TASP1: variants seen among roughly 807,000 people sequenced by gnomAD.
TASP1 encodes taspase 1, also known as threonine aspartase 1.
A neutral mutation model predicts 56.6 loss-of-function variants in TASP1; 16 were observed. The ratio of observed to expected loss-of-function variants is 0.28; its 90% CI spans 0.19 to 0.43. TASP1 has a LOEUF of 0.43. Ranked by LOEUF, TASP1 falls within the 20% of genes least tolerant of loss-of-function variation. The probability of loss-of-function intolerance (pLI) is 1.00; values close to 1 mark genes in which losing one functional copy is unlikely to be tolerated. For synonymous variants in TASP1, 179 were observed against 184.2 expected, an observed-to-expected ratio of 0.97 and a Z score of 0.23; for missense variants, 393 against 511.6, an observed-to-expected ratio of 0.77 and a Z score of 2.24.
chr20:13,249,865 G>C, the TASP1 span, among the ~76,000 whole-genome samples: 1 of 151,914 alleles, frequency 6.6e-6, no homozygotes, highest in Non-Finnish European at 1.5e-5. Flanking sequence ...CAACTTTAAA[G>C]CAGACTCCTT....
At chr20:13,607,623 G>A (rs933187150) in intron 4 of TASP1, among the ~76,000 whole-genome samples, 1 of 152,094 alleles carries the variant, frequency 6.6e-6, no homozygotes, top group Non-Finnish European at 1.5e-5. Context: ...ACATTAACAG[G>A]AAATTACTAA....
At chr20:13,525,911 T>C (rs1206672825) in intron 10 of TASP1, among the ~76,000 whole-genome samples, 2 of 152,192 alleles carry the variant, frequency 1.3e-5, no homozygotes, top group African/African-American at 4.8e-5. Context: ...GTTGGGTATC[T>C]AAGTTAAAAA....
At chr20:13,533,990 A>G (rs769631214) in intron 9 of TASP1, 32 bp downstream of exon 9, 6 of 1,582,120 alleles carry the variant, frequency 3.8e-6, no homozygotes, top group Non-Finnish European at 5.2e-6. Flanking sequence ...TTTACTTTGA[A>G]AGGCTAGTTT....
chr20:13,234,205 G>A, the TASP1 span, among the ~76,000 whole-genome samples: 1 of 152,184 alleles, frequency 6.6e-6, no homozygotes, highest in South Asian at 2.1e-4. Context: ...TTATAAGGGA[G>A]AACGTGGTAT....
At chr20:13,156,118 A>T in the TASP1 span, among the ~76,000 whole-genome samples, 12 of 152,320 alleles carry the variant, frequency 7.9e-5, no homozygotes, top group South Asian at 2.5e-3. Flanking sequence ...TGGGGAAATG[A>T]TGTGTGTTGG....
At chr20:13,174,106 A>G in the TASP1 span, among the ~76,000 whole-genome samples, 1 of 152,140 alleles carries the variant, frequency 6.6e-6, no homozygotes, top group Non-Finnish European at 1.5e-5. Context: ...CCAGCCTTCA[A>G]TGTGTATATA....
downstream of TASP1, among the ~76,000 whole-genome samples, chr20:13,389,208 A>C (rs987027017): frequency 6.6e-6 from 1 of 152,206 alleles, no homozygotes; most frequent in African/African-American, 2.4e-5. Context: ...ATCAAATTGC[A>C]AGAGAAATTT....
intron 13 of TASP1, chr20:13,393,273 G>A: frequency 1.3e-6 from 1 of 746,588 alleles, no homozygotes; most frequent in Non-Finnish European, 2.5e-6. Flanking sequence ...TGAGGGCTGT[G>A]TGGCTCTCCA....
chr20:13,239,688 G>A, the TASP1 span: 1 of 152,220 alleles, frequency 6.6e-6, no homozygotes, highest in African/African-American at 2.4e-5. Flanking sequence ...GAGGCACTCT[G>A]TTTAGAAGGC....
intron 10 of TASP1, among the ~76,000 whole-genome samples, chr20:13,498,669 C>G (rs961374728): frequency 6.7e-6 from 1 of 149,686 alleles, no homozygotes; most frequent in South Asian, 2.1e-4. Context: ...CAAAAGAAGA[C>G]ATACAAATGG....
At chr20:13,417,156 T>A (rs905430736) in intron 13 of TASP1, among the ~76,000 whole-genome samples, 1 of 152,180 alleles carries the variant, frequency 6.6e-6, no homozygotes, top group African/African-American at 2.4e-5. Context: ...AACCCCAGTT[T>A]CCTCTTCTCT....
chr20:13,371,495 C>T, the TASP1 span, among the ~76,000 whole-genome samples: 6 of 151,876 alleles, frequency 4.0e-5, no homozygotes, highest in Non-Finnish European at 8.8e-5. Context: ...TAATTTTATT[C>T]TCTTGTGATC....
chr20:13,195,258 T>C, the TASP1 span, among the ~76,000 whole-genome samples: 1 of 152,246 alleles, frequency 6.6e-6, no homozygotes, highest in African/African-American at 2.4e-5. Flanking sequence ...ATTTCCATTA[T>C]ACACACTGGG....
chr20:13,538,509 G>C (rs1158439004), intron 8 of TASP1, among the ~76,000 whole-genome samples: 1 of 152,202 alleles, frequency 6.6e-6, no homozygotes, highest in East Asian at 1.9e-4. Flanking sequence ...ACCTCTGTCA[G>C]GTTTGAGAGC....
chr20:13,148,202 A>G, the TASP1 span, among the ~76,000 whole-genome samples: 1 of 152,168 alleles, frequency 6.6e-6, no homozygotes, highest in Non-Finnish European at 1.5e-5. Flanking sequence ...GGCAACTGCA[A>G]AGCTTTGTAG....
chr20:13,277,760 C>T, the TASP1 span, among the ~76,000 whole-genome samples: 6 of 151,934 alleles, frequency 3.9e-5, no homozygotes, highest in Admixed American at 2.6e-4. Context: ...CTAGTAGTGC[C>T]CTTCTAGGTG....
At chr20:13,172,833 C>T in the TASP1 span, among the ~76,000 whole-genome samples, 4 of 151,892 alleles carry the variant, frequency 2.6e-5, no homozygotes, top group African/African-American at 9.7e-5. Flanking sequence ...ACATAGTATC[C>T]AGGAAAGAGT....
chr20:13,368,535 C>A, the TASP1 span: 1 of 152,302 alleles, frequency 6.6e-6, no homozygotes. Flanking sequence ...TTGAGGGCTG[C>A]TCCAGGGAAT....
the TASP1 span, among the ~76,000 whole-genome samples, chr20:13,321,710 T>C: frequency 6.6e-6 from 1 of 152,212 alleles, no homozygotes; most frequent in Non-Finnish European, 1.5e-5. Context: ...TTCAACTCCC[T>C]CCCATATAAA....
Sources: allele counts gnomAD v4.1 joint callset (sites outside exome capture counted in the v4.1 genomes callset), GRCh38; gene constraint gnomAD v4.1.1; transcripts MANE v1.5; gene names NCBI Gene and HGNC (gene_info 2026-07-23, HGNC 2026-07-21).